The following ZFAT variants were observed in gnomAD, a reference collection of about 807,000 sequenced individuals.
ZFAT encodes zinc finger protein ZFAT.
Under a neutral mutation model 117.7 loss-of-function variants are expected in ZFAT, and 64 were observed. That is an observed-to-expected ratio of 0.54 (90% CI 0.44 to 0.67). The LOEUF is 0.67. Among genes scored for constraint, ZFAT ranks in the 30% least tolerant of loss-of-function variants. The pLI, the probability that ZFAT is intolerant of heterozygous loss-of-function variation, is 0.00. For missense variants in ZFAT, 1,433 were observed against 1,584.5 expected (o/e 0.90, Z 1.62); for synonymous variants, 679 against 615.0 (o/e 1.10, Z -1.54).
the ZFAT span, among the ~76,000 whole-genome samples, chr8:134,741,908 C>A: frequency 2.0e-5 from 3 of 151,926 alleles, no homozygotes; most frequent in Non-Finnish European, 4.4e-5. Context: ...CCTCCCCAGT[C>A]CCCTCTCCCT....
intron 2 of ZFAT, among the ~76,000 whole-genome samples, chr8:134,643,506 T>C (rs931366200): frequency 6.6e-6 from 1 of 152,180 alleles, no homozygotes; most frequent in African/African-American, 2.4e-5. Flanking sequence ...GCATCATGTA[T>C]GAACATGCAC....
chr8:134,616,088 C>G (rs1044996056), intron 3 of ZFAT, among the ~76,000 whole-genome samples: 7 of 152,318 alleles, frequency 4.6e-5, no homozygotes, highest in African/African-American at 1.7e-4. Flanking sequence ...CCCAGAGACT[C>G]TGGCCTACAA....
At chr8:134,607,760 A>G (rs1264633149) in intron 5 of ZFAT, among the ~76,000 whole-genome samples, 2 of 152,240 alleles carry the variant, frequency 1.3e-5, no homozygotes, top group Non-Finnish European at 2.9e-5. Context: ...TCTAGCTGGG[A>G]GAAATGTTTT....
chr8:134,768,793 A>G, the ZFAT span, among the ~76,000 whole-genome samples: 1 of 151,908 alleles, frequency 6.6e-6, no homozygotes, highest in East Asian at 1.9e-4. Context: ...CCCTTCCCAA[A>G]TCTCATGTTG....
chr8:134,542,588 T>G (rs1822341300), intron 11 of ZFAT, among the ~76,000 whole-genome samples: 1 of 152,348 alleles, frequency 6.6e-6, no homozygotes, highest in South Asian at 2.1e-4. Context: ...CTTAGGATAA[T>G]GGCCTCCAGC....
At chr8:134,577,963 G>A (rs1825431899) in intron 10 of ZFAT, among the ~76,000 whole-genome samples, 1 of 152,158 alleles carries the variant, frequency 6.6e-6, no homozygotes, top group Non-Finnish European at 1.5e-5. Context: ...CCATACGTGA[G>A]CACCTAGGGA....
At chr8:134,560,618 C>T (rs538431118) in intron 11 of ZFAT, among the ~76,000 whole-genome samples, 40 of 151,818 alleles carry the variant, frequency 2.6e-4, no homozygotes, top group Admixed American at 4.6e-4. Flanking sequence ...CATAATGATA[C>T]GTGGACTTAT....
the ZFAT span, among the ~76,000 whole-genome samples, chr8:134,775,806 A>C: frequency 6.6e-6 from 1 of 152,226 alleles, no homozygotes; most frequent in Non-Finnish European, 1.5e-5. Flanking sequence ...CAGGGAGAGA[A>C]AACCCCACTA....
chr8:134,552,839 A>T (rs374950110), intron 11 of ZFAT, among the ~76,000 whole-genome samples: 3 of 152,234 alleles, frequency 2.0e-5, no homozygotes, highest in Admixed American at 6.5e-5. Flanking sequence ...GATTTCAAAA[A>T]CTGTGGATTT....
chr8:134,711,950 G>A (rs890753266), intron 1 of ZFAT, among the ~76,000 whole-genome samples: 3 of 152,204 alleles, frequency 2.0e-5, no homozygotes, highest in Non-Finnish European at 4.4e-5. Context: ...GATAAAGCTG[G>A]TGAGAGGCAG....
upstream of ZFAT, among the ~76,000 whole-genome samples, chr8:134,716,820 T>C (rs2131379467): frequency 6.6e-6 from 1 of 152,334 alleles, no homozygotes; most frequent in Non-Finnish European, 1.5e-5. Flanking sequence ...AAAGAAAGGG[T>C]CAAAATAGGA....
the ZFAT span, among the ~76,000 whole-genome samples, chr8:134,736,385 A>G: frequency 1.3e-5 from 2 of 152,108 alleles, no homozygotes. Context: ...ATGCAACCAA[A>G]CACATCAGGG....
chr8:134,766,640 C>T, the ZFAT span: 1 of 152,202 alleles, frequency 6.6e-6, no homozygotes, highest in Non-Finnish European at 1.5e-5. Flanking sequence ...AGCAAGCAGA[C>T]ATGTGTGGTG....
intron 15 of ZFAT, among the ~76,000 whole-genome samples, chr8:134,506,298 T>C (rs1014830555): frequency 2.6e-5 from 4 of 152,222 alleles, no homozygotes; most frequent in Non-Finnish European, 4.4e-5. Flanking sequence ...GCACTCAGGT[T>C]CTCATCTGGG....
At chr8:134,821,221 C>T in the ZFAT span, among the ~76,000 whole-genome samples, 4 of 152,046 alleles carry the variant, frequency 2.6e-5, no homozygotes, top group African/African-American at 4.8e-5. Flanking sequence ...ACTTTCAAAG[C>T]ATCAACTGGC....
chr8:134,688,233 GC>G (rs1833427704), intron 1 of ZFAT, among the ~76,000 whole-genome samples: 1 of 152,230 alleles, frequency 6.6e-6, no homozygotes, highest in African/African-American at 2.4e-5. Flanking sequence ...GACAGCTAAA[GC>G]TACCTACTGG....
intron 12 of ZFAT, among the ~76,000 whole-genome samples, chr8:134,530,960 G>A (rs1821361108): frequency 6.6e-6 from 1 of 152,122 alleles, no homozygotes; most frequent in African/African-American, 2.4e-5. Flanking sequence ...GTGGTTATCT[G>A]CGGAGGGTCC....
At chr8:134,562,709 G>C (rs900189455) in intron 11 of ZFAT, among the ~76,000 whole-genome samples, 2 of 152,158 alleles carry the variant, frequency 1.3e-5, no homozygotes. Flanking sequence ...AGCAGGTCCT[G>C]AGGCCCAGCA....
chr8:134,509,835 G>A lies in ZFAT; in HGVS notation c.3362-86C>T, dbSNP rs10105965. 2.6e-3 allele frequency: 3,864 copies of A among 1,498,808 alleles called. 17 individuals carry two copies. Among genetic ancestry groups the A allele is most frequent in the Middle Eastern group, 0.015 (67 of 4,592 alleles). The allele number at this position is 1,498,808 out of a possible 1,614,324, so 92.8% of individuals were successfully genotyped here. Reference sequence around the variant, plus strand: ...GCAAAACCAGCCTGTCTGTTCTCTCGGGTGACGCCTTCTCCAGAGGATGCA... The same window carrying A: ...GCAAAACCAGCCTGTCTGTTCTCTCAGGTGACGCCTTCTCCAGAGGATGCA... On this transcript the variant is annotated intron_variant, in intron 14 of 15. Transcript: ENST00000377838.
Sources: allele counts gnomAD v4.1 joint callset (sites outside exome capture counted in the v4.1 genomes callset), GRCh38; gene constraint gnomAD v4.1.1; transcripts MANE v1.5; gene names NCBI Gene and HGNC (gene_info 2026-07-23, HGNC 2026-07-21).